MTFR1: variants seen among roughly 807,000 people sequenced by gnomAD.
MTFR1 encodes the protein chondrocyte protein with a poly-proline region.
In MTFR1, 28 loss-of-function variants were observed where a neutral mutation model predicts 38.8. That is an observed-to-expected ratio of 0.72 (90% CI 0.53 to 0.99). MTFR1 has a LOEUF of 0.99. MTFR1 is among the 50% of genes least tolerant of loss of function. The pLI is 0.00. For missense variants in MTFR1, 358 were observed against 395.5 expected (o/e 0.91, Z 0.81); for synonymous variants, 145 against 137.0 (o/e 1.06, Z -0.41).
intron 1 of MTFR1, among the ~76,000 whole-genome samples, chr8:65,667,468 C>T (rs946176607): frequency 1.3e-5 from 2 of 151,630 alleles, no homozygotes; most frequent in Non-Finnish European, 2.9e-5. Context: ...GCTCTTGTCA[C>T]CCAGGCTGGA....
intron 3 of MTFR1, chr8:65,727,344 A>C: frequency 1.9e-6 from 3 of 1,609,818 alleles, no homozygotes; most frequent in African/African-American, 1.3e-5. Context: ...ATATATCTAA[A>C]ATAAGCTCTA....
At chr8:65,712,970 T>A (rs181976710), downstream of MTFR1, among the ~76,000 whole-genome samples, 19 of 152,316 alleles carry the variant, frequency 1.2e-4, no homozygotes, top group East Asian at 3.3e-3. Flanking sequence ...AATAAATACT[T>A]CAAATCTGTG....
chr8:65,704,017 G>C (rs1050288302), intron 4 of MTFR1, among the ~76,000 whole-genome samples: 4 of 152,068 alleles, frequency 2.6e-5, no homozygotes, highest in African/African-American at 9.7e-5. Flanking sequence ...AGTTATACCA[G>C]CCTGGGCAAC....
intron 2 of MTFR1, chr8:65,719,293 T>A: frequency 6.2e-7 from 1 of 1,612,180 alleles, no homozygotes; most frequent in Non-Finnish European, 8.5e-7. Flanking sequence ...CTGGGGGTTA[T>A]GATAACCGAT....
At chr8:65,765,704 G>A (rs187621976) in intron 3 of MTFR1, 1 of 152,186 alleles carries the variant, frequency 6.6e-6, no homozygotes, top group East Asian at 1.9e-4. Flanking sequence ...ACGTCAATGA[G>A]CTTTGGCAAA....
downstream of MTFR1, among the ~76,000 whole-genome samples, chr8:65,774,416 T>C (rs944362827): frequency 2.0e-5 from 3 of 152,124 alleles, no homozygotes; most frequent in Non-Finnish European, 4.4e-5. Flanking sequence ...CATCAATCTT[T>C]TAAAGATCTT....
intron 1 of MTFR1, among the ~76,000 whole-genome samples, chr8:65,658,588 G>C (rs1809329254): frequency 6.6e-6 from 1 of 152,090 alleles, no homozygotes; most frequent in African/African-American, 2.4e-5. Flanking sequence ...AACACTTGTA[G>C]GAATTGAATA....
At chr8:65,717,430 T>C (rs939389933) in intron 2 of MTFR1, 2 of 152,252 alleles carry the variant, frequency 1.3e-5, no homozygotes, top group Non-Finnish European at 2.9e-5. Context: ...TGATGTCTTA[T>C]GCAGTTCACC....
downstream of MTFR1, among the ~76,000 whole-genome samples, chr8:65,713,934 C>T (rs1471961278): frequency 6.6e-6 from 1 of 151,804 alleles, no homozygotes; most frequent in Admixed American, 6.6e-5. Context: ...GTGATCTGTC[C>T]GCCTCAGCCT....
At chr8:65,725,457 C>T (rs1202915535) in intron 3 of MTFR1, 1 of 154,264 alleles carries the variant, frequency 6.5e-6, no homozygotes, top group African/African-American at 2.4e-5. Flanking sequence ...CAAGGTTAAA[C>T]TCAAGAACCA....
chr8:65,751,411 A>G (rs1180948578), intron 3 of MTFR1, among the ~76,000 whole-genome samples: 1 of 151,122 alleles, frequency 6.6e-6, no homozygotes, highest in African/African-American at 2.4e-5. Context: ...TTATACAACC[A>G]CTCTCAAGCC....
chr8:65,669,395 T>A (rs1804497561), intron 1 of MTFR1, among the ~76,000 whole-genome samples: 1 of 152,230 alleles, frequency 6.6e-6, no homozygotes, highest in Admixed American at 6.5e-5. Context: ...TTCATAAATG[T>A]ATTTTTTACT....
At chr8:65,715,535 G>A (rs970243415), downstream of MTFR1, among the ~76,000 whole-genome samples, 3 of 151,630 alleles carry the variant, frequency 2.0e-5, no homozygotes, top group South Asian at 2.1e-4. Flanking sequence ...GCGCCACCAC[G>A]CCCAGCTAAT....
At chr8:65,655,961 T>TGTATATAC (rs1563432853) in intron 1 of MTFR1, among the ~76,000 whole-genome samples, 427 of 32,966 alleles carry the variant, frequency 0.013, 5 homozygotes, top group Non-Finnish European at 0.021. Flanking sequence ...AATATATATA[T>TGTATATAC]ATATATACCA....
intron 3 of MTFR1, among the ~76,000 whole-genome samples, chr8:65,758,568 C>A (rs1053417194): frequency 1.3e-5 from 2 of 152,238 alleles, no homozygotes; most frequent in Non-Finnish European, 2.9e-5. Context: ...AATGTGAGCA[C>A]ACACTTGTGA....
intron 3 of MTFR1, among the ~76,000 whole-genome samples, chr8:65,730,168 C>CTTTTTTTTTTTTTTTT (rs1563473710): frequency 6.3e-5 from 2 of 31,670 alleles, no homozygotes. Context: ...AGGTTGCGCA[C>CTTTTTTTTTTTTTTTT]TTCTTTTTTT....
chr8:65,689,281 GAA>G (rs1243354426), intron 3 of MTFR1, among the ~76,000 whole-genome samples: 1 of 152,188 alleles, frequency 6.6e-6, no homozygotes, highest in African/African-American at 2.4e-5. Flanking sequence ...TTTATTTTAT[GAA>G]GTCACAAGAG....
At chr8:65,730,978 C>A (rs2128895489) in intron 3 of MTFR1, among the ~76,000 whole-genome samples, 1 of 152,096 alleles carries the variant, frequency 6.6e-6, no homozygotes, top group East Asian at 1.9e-4. Context: ...TAGAGTAAAC[C>A]CAGCCAATGA....
chr8:65,686,709 G>A (rs1236123827), intron 3 of MTFR1, among the ~76,000 whole-genome samples: 1 of 151,886 alleles, frequency 6.6e-6, no homozygotes. Flanking sequence ...GATCACCTGA[G>A]GTCAGGAATT....
Sources: allele counts gnomAD v4.1 joint callset (sites outside exome capture counted in the v4.1 genomes callset), GRCh38; gene constraint gnomAD v4.1.1; transcripts MANE v1.5; gene names NCBI Gene and HGNC (gene_info 2026-07-23, HGNC 2026-07-21).